The following PLLP variants were observed in gnomAD, a reference collection of about 807,000 sequenced individuals.
PLLP encodes plasma membrane proteolipid (plasmolipin).
Under a neutral mutation model 19.7 loss-of-function variants are expected in PLLP, and 15 were observed. That is an observed-to-expected ratio of 0.76 (90% CI 0.51 to 1.17). PLLP has a LOEUF of 1.17. Ranked by LOEUF, PLLP falls within the 50% of genes most tolerant of loss-of-function variation. PLLP has a pLI of 0.00. For missense variants in PLLP, 255 were observed against 258.3 expected, an observed-to-expected ratio of 0.99 and a Z score of 0.09; for synonymous variants, 111 against 116.3, an observed-to-expected ratio of 0.95 and a Z score of 0.29.
intron 1 of PLLP, among the ~76,000 whole-genome samples, chr16:57,276,574 AGAGT>A (rs1340028477): frequency 6.8e-6 from 1 of 146,242 alleles, no homozygotes; most frequent in Non-Finnish European, 1.5e-5. Flanking sequence ...GCTGGGTGAC[AGAGT>A]GAGACTCTGT....
intron 1 of PLLP, among the ~76,000 whole-genome samples, chr16:57,279,415 G>A (rs185382869): frequency 1.5e-3 from 210 of 143,958 alleles, no homozygotes; most frequent in Middle Eastern, 7.5e-3. Context: ...GCTCACACCT[G>A]TAATCTCAGC....
chr16:57,279,383 G>C (rs1901191114), intron 1 of PLLP, among the ~76,000 whole-genome samples: 2 of 141,664 alleles, frequency 1.4e-5, no homozygotes, highest in Admixed American at 7.0e-5. Context: ...TTTTTGTTAA[G>C]AGTAGAGGAC....
chr16:57,283,285 G>A (rs1161326837), intron 1 of PLLP, among the ~76,000 whole-genome samples: 1 of 152,080 alleles, frequency 6.6e-6, no homozygotes, highest in African/African-American at 2.4e-5. Flanking sequence ...ACAGAGATCT[G>A]AGAAATCCTG....
chr16:57,283,264 G>A (rs1466054162), intron 1 of PLLP, among the ~76,000 whole-genome samples: 1 of 152,086 alleles, frequency 6.6e-6, no homozygotes, highest in East Asian at 1.9e-4. Flanking sequence ...CAGAGGTTGG[G>A]GAGGGGGCCC....
At position 57,259,303 on chromosome 16, in the gene PLLP, G is replaced by GT. The variant is rs1348306148; in HGVS notation, c.310-720dup. Reference sequence around the variant, plus strand: ...CAGGGCCAAGCCCAGGCCATCCCTGGTACCACTGCAAGGTTTGGCTCTGTG... The same window carrying GT: ...CAGGGCCAAGCCCAGGCCATCCCTGGTTACCACTGCAAGGTTTGGCTCTGTG... On this transcript the variant is annotated intron_variant, in intron 2 of 3. Transcript: ENST00000219207. Among the ~76,000 whole-genome samples, 3 of 152,244 alleles carry GT rather than the reference G, an allele frequency of 2.0e-5. No individual in the cohort carries two copies. In the East Asian group the frequency reaches 5.8e-4, roughly 29 times the overall value.
At chr16:57,272,084 C>T (rs963340952) in intron 1 of PLLP, among the ~76,000 whole-genome samples, 2 of 152,206 alleles carry the variant, frequency 1.3e-5, no homozygotes, top group Non-Finnish European at 2.9e-5. Flanking sequence ...CCGCAACTAC[C>T]CTGCCAGGCC....
chr16:57,256,832 C>T lies in PLLP; in HGVS notation c.*81G>A. 1 of 936,244 alleles carries T rather than the reference C, an allele frequency of 1.1e-6. No homozygotes were observed. Among genetic ancestry groups the T allele is most frequent in the Non-Finnish European group, 1.7e-6 (1 of 584,622 alleles). 58.0% of individuals were successfully genotyped at this position (936,244 alleles called of 1,614,324 possible). On this transcript the variant is annotated 3_prime_UTR_variant, in exon 4 of 4. Transcript: ENST00000219207. ...TTGGGCTGACTCCACGCAGGGCTCC[C>T]CAGCTTCAGGCTTGCAGGGTGACCC...
intron 2 of PLLP, 110 bp downstream of exon 2, chr16:57,261,787 G>T: frequency 1.1e-6 from 1 of 914,128 alleles, no homozygotes; most frequent in Non-Finnish European, 1.8e-6. Flanking sequence ...CTGCAGATCA[G>T]CTTAGGTCAG....
Position 57,284,515 on chromosome 16 carries a change from C to A in PLLP, c.26G>T (p.Ser9Ile). The change falls in exon 1 of 4, where the codon AGC becomes ATC. Residue 9 changes from serine (S) to isoleucine (I), a missense_variant. Transcript: ENST00000219207. ...CTGCGCAGGACTGCTGGTCCGCGTGCTAACTTTCGACGGGAACTCGGCCAT... is the reference window on the plus strand; with the variant it reads ...CTGCGCAGGACTGCTGGTCCGCGTGATAACTTTCGACGGGAACTCGGCCAT... The part of the protein sequence containing the change: MAEFPSKV[S>I]TRTSSPAQGA... 1 of 1,397,382 alleles carries A rather than the reference C, an allele frequency of 7.2e-7. No individual in the cohort carries two copies. 86.6% of individuals were successfully genotyped at this position (1,397,382 alleles called of 1,614,324 possible). A position where few individuals can be genotyped will look rare whatever the true frequency, so the allele number is the denominator to read the frequency against.
Position 57,257,166 on chromosome 16 carries a change from T to C in PLLP, c.433-137A>G, listed in dbSNP as rs770924209. 2.9e-4 allele frequency: 192 copies of C among 663,544 alleles called. 2 individuals are homozygous for C. Among genetic ancestry groups the C allele is most frequent in the Middle Eastern group, 8.0e-4 (3 of 3,750 alleles). 41.1% of individuals were successfully genotyped at this position (663,544 alleles called of 1,614,324 possible). A position where few individuals can be genotyped will look rare whatever the true frequency, so the allele number is the denominator to read the frequency against. ...TAGCCAGATGCATTTCACAGCTGTTTATCATGGGGCTGATGAGCACCAGGG... is the reference window on the plus strand; with the variant it reads ...TAGCCAGATGCATTTCACAGCTGTTCATCATGGGGCTGATGAGCACCAGGG... On this transcript the variant is annotated intron_variant, in intron 3 of 3. Coordinates refer to ENST00000219207, the MANE Select transcript of PLLP (RefSeq NM_015993.3).
chr16:57,257,269 G>C (rs1258276031), intron 3 of PLLP, among the ~76,000 whole-genome samples: 2 of 152,190 alleles, frequency 1.3e-5, no homozygotes, highest in Non-Finnish European at 2.9e-5. Context: ...ATTGTGATAA[G>C]GGCAATGAAG....
intron 1 of PLLP, among the ~76,000 whole-genome samples, chr16:57,262,651 C>T (rs1162550608): frequency 6.6e-6 from 1 of 152,170 alleles, no homozygotes; most frequent in Non-Finnish European, 1.5e-5. Flanking sequence ...AGGAGGATCA[C>T]ATGGGCCCAG....
intron 1 of PLLP, among the ~76,000 whole-genome samples, chr16:57,280,974 C>A (rs1597966707): frequency 6.6e-6 from 1 of 152,228 alleles, no homozygotes; most frequent in Non-Finnish European, 1.5e-5. Flanking sequence ...CAGGAACATT[C>A]ATCAAATCCT....
At chr16:57,260,133 T>A (rs1277938158) in intron 2 of PLLP, among the ~76,000 whole-genome samples, 1 of 152,154 alleles carries the variant, frequency 6.6e-6, no homozygotes, top group African/African-American at 2.4e-5. Flanking sequence ...TACTCACATA[T>A]CTTGCCTGGA....
intron 1 of PLLP, among the ~76,000 whole-genome samples, chr16:57,263,970 C>T (rs113471605): frequency 0.049 from 7,470 of 152,192 alleles, 219 homozygotes; most frequent in African/African-American, 0.076. Flanking sequence ...GAAGCGGCTC[C>T]GGAGCAGGAC....
At chr16:57,257,558 A>G (rs1381080664) in intron 3 of PLLP, among the ~76,000 whole-genome samples, 2 of 152,200 alleles carry the variant, frequency 1.3e-5, no homozygotes, top group African/African-American at 4.8e-5. Context: ...AACTTCTCTG[A>G]GCAGGAGCCT....
chr16:57,267,326 T>C (rs1327650529), intron 1 of PLLP, among the ~76,000 whole-genome samples: 1 of 152,204 alleles, frequency 6.6e-6, no homozygotes, highest in Non-Finnish European at 1.5e-5. Flanking sequence ...CCCAGCACTT[T>C]GGGAGCCTGA....
intron 3 of PLLP, among the ~76,000 whole-genome samples, chr16:57,257,939 C>T (rs2075430962): frequency 6.6e-6 from 1 of 152,108 alleles, no homozygotes; most frequent in African/African-American, 2.4e-5. Context: ...AGCACTTTAA[C>T]AGGCCAAGGC....
intron 1 of PLLP, among the ~76,000 whole-genome samples, chr16:57,276,125 C>G (rs1901150788): frequency 1.3e-5 from 2 of 151,990 alleles, no homozygotes; most frequent in South Asian, 2.1e-4. Context: ...AACAAACAAC[C>G]CAAACACATT....
Sources: gnomAD v4.1 joint callset for allele counts (sites outside exome capture counted in the v4.1 genomes callset) on GRCh38, gnomAD v4.1.1 for gene constraint, MANE v1.5 for transcripts, NCBI Gene and HGNC (gene_info 2026-07-23, HGNC 2026-07-21) for gene names.